PACSIN2: variants seen among roughly 807,000 people sequenced by gnomAD.
PACSIN2 encodes protein kinase C and casein kinase substrate in neurons protein 2.
Under a neutral mutation model 63.8 loss-of-function variants are expected in PACSIN2, and 25 were observed. That is an observed-to-expected ratio of 0.39 (90% confidence interval 0.29 to 0.55). PACSIN2 has a LOEUF of 0.55. Ranked by LOEUF, PACSIN2 falls within the 20% of genes least tolerant of loss-of-function variation. PACSIN2 has a pLI of 0.62. For missense variants in PACSIN2, 518 were observed against 646.9 expected (o/e 0.80, Z 2.16); for synonymous variants, 255 against 256.2 (o/e 1.00, Z 0.05).
intron 1 of PACSIN2, among the ~76,000 whole-genome samples, chr22:42,967,873 G>A (rs1451051831): frequency 1.3e-5 from 2 of 152,214 alleles, no homozygotes; most frequent in Non-Finnish European, 2.9e-5. Flanking sequence ...GGGCCGCAGA[G>A]CGAGACTCCA....
chr22:42,926,933 G>A (rs1384505849), intron 1 of PACSIN2, among the ~76,000 whole-genome samples: 1 of 152,088 alleles, frequency 6.6e-6, no homozygotes, highest in Non-Finnish European at 1.5e-5. Flanking sequence ...CACCTGGCTG[G>A]GCTCCTCGGC....
At chr22:42,962,663 T>G (rs975057496) in intron 1 of PACSIN2, among the ~76,000 whole-genome samples, 2 of 149,390 alleles carry the variant, frequency 1.3e-5, no homozygotes, top group African/African-American at 4.9e-5. Flanking sequence ...ACAGTCCAAG[T>G]CACAGGGCCA....
In PACSIN2 at chr22:42,994,319, G is replaced by A. The variant is rs140381658; in HGVS notation, c.-78+20702C>T. ...GCATGGTCCCAAGCCCCATGTGTCAGATAGGGAGGGACAACCCCAAACACA... is the reference window on the plus strand; with the variant it reads ...GCATGGTCCCAAGCCCCATGTGTCAAATAGGGAGGGACAACCCCAAACACA... On this transcript the variant is annotated intron_variant, in intron 1 of 10. Transcript: ENST00000263246. 2.0e-5 allele frequency among the ~76,000 whole-genome samples: 3 copies of A among 152,262 alleles called. No individual in the cohort carries two copies. In the East Asian group the frequency reaches 5.8e-4, roughly 29 times the overall value.
chr22:43,002,435 C>G (rs1366943537), intron 1 of PACSIN2: 1 of 152,146 alleles, frequency 6.6e-6, no homozygotes, highest in Non-Finnish European at 1.5e-5. Context: ...CCTTGCTCAT[C>G]AAAGTATGGC....
At chr22:42,985,340 C>T (rs1922529860) in intron 1 of PACSIN2, among the ~76,000 whole-genome samples, 1 of 152,222 alleles carries the variant, frequency 6.6e-6, no homozygotes, top group Non-Finnish European at 1.5e-5. Context: ...ATCAGCTGTG[C>T]ACCTCTCTGG....
At chr22:43,013,739 GC>G (rs1346534838) in intron 1 of PACSIN2, among the ~76,000 whole-genome samples, 1 of 152,244 alleles carries the variant, frequency 6.6e-6, no homozygotes, top group Non-Finnish European at 1.5e-5. Flanking sequence ...ACCATCTGCA[GC>G]TGAGGTTCAA....
At chr22:42,976,765 G>A (rs758795323) in intron 1 of PACSIN2, among the ~76,000 whole-genome samples, 82 of 152,212 alleles carry the variant, frequency 5.4e-4, no homozygotes, top group African/African-American at 1.4e-3. Flanking sequence ...ACCCCATTTC[G>A]TCCTTCCATC....
intron 1 of PACSIN2, among the ~76,000 whole-genome samples, chr22:42,972,023 T>C (rs999988471): frequency 2.0e-5 from 3 of 152,004 alleles, no homozygotes; most frequent in Non-Finnish European, 2.9e-5. Context: ...CAGCAGCTCA[T>C]TGAGAACGGG....
chr22:42,965,232 C>T (rs973740347), intron 1 of PACSIN2, among the ~76,000 whole-genome samples: 1 of 152,142 alleles, frequency 6.6e-6, no homozygotes, highest in African/African-American at 2.4e-5. Flanking sequence ...CAAGCAAAAC[C>T]AATCTACAGT....
At chr22:42,972,184 C>T (rs554920121) in intron 1 of PACSIN2, among the ~76,000 whole-genome samples, 1 of 152,220 alleles carries the variant, frequency 6.6e-6, no homozygotes, top group Non-Finnish European at 1.5e-5. Context: ...TGCCTTGGGA[C>T]GCTGTTGATC....
intron 2 of PACSIN2, among the ~76,000 whole-genome samples, chr22:42,911,199 C>T (rs6002976): frequency 0.2 from 31,118 of 151,890 alleles, 5,492 homozygotes; most frequent in East Asian, 0.73. Flanking sequence ...CCACTGCGCC[C>T]GGCCATGCAA....
intron 4 of PACSIN2, among the ~76,000 whole-genome samples, chr22:42,889,788 G>T (rs1415700961): frequency 1.3e-5 from 2 of 152,116 alleles, no homozygotes; most frequent in Admixed American, 6.5e-5. Flanking sequence ...ACTAGCCAAG[G>T]CTCGACAAAA....
chr22:42,937,428 T>A (rs1932961227), intron 1 of PACSIN2, among the ~76,000 whole-genome samples: 1 of 152,020 alleles, frequency 6.6e-6, no homozygotes, highest in African/African-American at 2.4e-5. Flanking sequence ...TAACGATGCA[T>A]GAGCTTAAAC....
chr22:42,982,988 G>A (rs12166374), intron 1 of PACSIN2, among the ~76,000 whole-genome samples: 7 of 150,738 alleles, frequency 4.6e-5, no homozygotes, highest in African/African-American at 7.3e-5. Flanking sequence ...CAAGACCAGC[G>A]TGGCCAACAT....
Position 42,984,969 on chromosome 22 carries a change from T to C in PACSIN2, c.-78+30052A>G, listed in dbSNP as rs186672748. Among the ~76,000 whole-genome samples, 3 of 152,348 alleles carry C rather than the reference T, an allele frequency of 2.0e-5. No homozygotes were observed. In the East Asian group the frequency reaches 5.8e-4, roughly 29 times the overall value. On this transcript the variant is annotated intron_variant, in intron 1 of 10. Transcript: ENST00000263246. ...ACCCTAGAGATGGATATATGTGGAT[T>C]TGCTTGTTCTGTTTGGCAACCAAAG... is the stretch of plus-strand genomic sequence containing the variant.
At chr22:42,881,487 G>A (rs1046052576) in intron 7 of PACSIN2, among the ~76,000 whole-genome samples, 6 of 152,192 alleles carry the variant, frequency 3.9e-5, no homozygotes, top group Admixed American at 3.9e-4. Context: ...AGAGGTAGTC[G>A]CCCTCAGCAT....
intron 3 of PACSIN2, among the ~76,000 whole-genome samples, chr22:42,892,457 C>T (rs181147996): frequency 6.0e-4 from 91 of 152,318 alleles, no homozygotes; most frequent in African/African-American, 1.9e-3. Flanking sequence ...CTGTCCACAA[C>T]GTTACAGCCA....
intron 1 of PACSIN2, among the ~76,000 whole-genome samples, chr22:42,999,648 A>G (rs1464242355): frequency 6.6e-6 from 1 of 152,172 alleles, no homozygotes; most frequent in Non-Finnish European, 1.5e-5. Context: ...AGCCTGGGCA[A>G]CAAGAATGAA....
chr22:42,957,072 G>A (rs1456443255), intron 1 of PACSIN2, among the ~76,000 whole-genome samples: 3 of 151,784 alleles, frequency 2.0e-5, no homozygotes, highest in Non-Finnish European at 4.4e-5. Context: ...AAGCCACTGC[G>A]GCTCCTGAGC....
Sources: gnomAD v4.1 joint callset for allele counts (sites outside exome capture counted in the v4.1 genomes callset) on GRCh38, gnomAD v4.1.1 for gene constraint, MANE v1.5 for transcripts, NCBI Gene and HGNC (gene_info 2026-07-23, HGNC 2026-07-21) for gene names.